Variants in GRID1 observed in about 807,000 individuals in gnomAD.
GRID1 encodes the protein glutamate ionotropic receptor delta type subunit 1, also known as glutamate receptor ionotropic, delta-1.
GRID1 carries 28 observed loss-of-function variants against 98.0 expected under a neutral mutation model. The ratio of observed to expected loss-of-function variants is 0.29; its 90% CI spans 0.21 to 0.39. The LOEUF is 0.39. GRID1 is among the 10% of genes least tolerant of loss of function. GRID1 has a pLI of 1.00. For synonymous variants in GRID1, 553 were observed against 538.5 expected (o/e 1.03, Z -0.37); for missense variants, 1,111 against 1,340.5 (o/e 0.83, Z 2.67).
chr10:86,301,079 C>A (rs1246048708), intron 2 of GRID1, among the ~76,000 whole-genome samples: 1 of 152,172 alleles, frequency 6.6e-6, no homozygotes, highest in East Asian at 1.9e-4. Context: ...GGGTCCCCTG[C>A]CATCCAAGGA....
In GRID1 at chr10:85,619,163, C is replaced by T. The variant is rs545410309; in HGVS notation, c.2360+704G>A. Among the ~76,000 whole-genome samples the T allele has an allele frequency of 6.6e-5, 10 of 152,290 alleles. 1 individual carries two copies. The highest frequency in any genetic ancestry group is 2.1e-4 in the South Asian group (1 of 4,822). On this transcript the variant is annotated intron_variant, in intron 14 of 15. Coordinates refer to ENST00000327946, the MANE Select transcript of GRID1 (RefSeq NM_017551.3). ...ATGGCCCAAGGCTTAGACACCTTGG[C>T]GACAGGAGCCCCTGTTTGCAGGCTG... is the stretch of plus-strand genomic sequence containing the variant.
In GRID1 at chr10:85,672,324, T is replaced by C. The variant is rs574924289; in HGVS notation, c.1998-24927A>G. 5.9e-5 allele frequency among the ~76,000 whole-genome samples: 9 copies of C among 152,318 alleles called. No homozygotes were observed. In the South Asian group the frequency reaches 1.7e-3, roughly 28 times the overall value. On this transcript the variant is annotated intron_variant, in intron 12 of 15. Transcript: ENST00000327946. Reference sequence around the variant, plus strand: ...TCAATCTACTATTTCTGTGCTTTGTTTTTGGATGGAGTCTTCCTCTGTGGC... The same window carrying C: ...TCAATCTACTATTTCTGTGCTTTGTCTTTGGATGGAGTCTTCCTCTGTGGC...
chr10:85,919,132 T>C (rs1332762303), intron 4 of GRID1, among the ~76,000 whole-genome samples: 3 of 152,208 alleles, frequency 2.0e-5, no homozygotes, highest in Admixed American at 6.5e-5. Flanking sequence ...CCTGTGCAGG[T>C]GAGAGGTTCT....
At chr10:86,082,937 G>C (rs1843998236) in intron 4 of GRID1, among the ~76,000 whole-genome samples, 1 of 152,178 alleles carries the variant, frequency 6.6e-6, no homozygotes, top group African/African-American at 2.4e-5. Context: ...CTCAGCTCTG[G>C]GTTTCTGTTT....
chr10:86,068,753 A>T (rs926258383), intron 4 of GRID1, among the ~76,000 whole-genome samples: 20 of 152,344 alleles, frequency 1.3e-4, no homozygotes, highest in African/African-American at 4.8e-4. Flanking sequence ...GGACACAGGC[A>T]TCCTAAGAAG....
intron 2 of GRID1, among the ~76,000 whole-genome samples, chr10:86,285,636 C>A (rs1272816469): frequency 1.3e-5 from 2 of 152,160 alleles, no homozygotes; most frequent in Non-Finnish European, 2.9e-5. Flanking sequence ...GGATGCCAGA[C>A]ACTGCTCTGA....
chr10:85,608,218 C>T (rs1314089852), intron 15 of GRID1, among the ~76,000 whole-genome samples: 1 of 152,178 alleles, frequency 6.6e-6, no homozygotes, highest in East Asian at 1.9e-4. Context: ...CCCGTAGCTC[C>T]TTACCTTGGA....
intron 2 of GRID1, among the ~76,000 whole-genome samples, chr10:86,356,265 C>T (rs968361493): frequency 8.5e-5 from 13 of 152,212 alleles, no homozygotes; most frequent in African/African-American, 2.9e-4. Context: ...AGATTCTGCC[C>T]AACTAGCATC....
intron 2 of GRID1, among the ~76,000 whole-genome samples, chr10:86,360,475 AC>A (rs1161436218): frequency 6.6e-6 from 1 of 152,380 alleles, no homozygotes; most frequent in East Asian, 1.9e-4. Context: ...TTATATTAAT[AC>A]ATGCTCATTG....
chr10:85,854,755 A>C (rs1843093085), intron 7 of GRID1, 140 bp from the exon 8 acceptor site: 1 of 748,528 alleles, frequency 1.3e-6, no homozygotes, highest in South Asian at 1.7e-5. Flanking sequence ...AATGAGGACA[A>C]GATGGGCTAG....
rs111740752 is a variant in GRID1 at position 85,724,401 on chromosome 10, G to A, written c.1809C>T (p.Ala603=). 4.3e-5 allele frequency: 70 copies of A among 1,614,134 alleles called. No homozygotes were observed. In the African/African-American group the frequency reaches 8.3e-4, roughly 19 times the overall value. The part of the protein sequence containing the change: ...SAAQPRPSAS[A]TLHSAIWIVY... ...CAATCCAGATGGCGCTGTGCAGAGT[G>A]GCAGAAGCTGACGGCCTGGGCTGGG... The change falls in exon 11 of 16, where the codon GCC becomes GCT. Residue 603 remains alanine, a synonymous_variant. Transcript: ENST00000327946.
intron 4 of GRID1, among the ~76,000 whole-genome samples, chr10:86,030,698 G>A (rs1843174607): frequency 6.6e-6 from 1 of 152,178 alleles, no homozygotes; most frequent in African/African-American, 2.4e-5. Flanking sequence ...AATGATATAG[G>A]AGTTAAGAAG....
At chr10:86,061,076 G>A (rs1249047675) in intron 4 of GRID1, among the ~76,000 whole-genome samples, 1 of 152,104 alleles carries the variant, frequency 6.6e-6, no homozygotes, top group Non-Finnish European at 1.5e-5. Flanking sequence ...CCTTCCTGGT[G>A]CCTCCACTAT....
chr10:86,279,822 C>T (rs1355107183), intron 2 of GRID1, among the ~76,000 whole-genome samples: 1 of 152,188 alleles, frequency 6.6e-6, no homozygotes, highest in African/African-American at 2.4e-5. Flanking sequence ...TCACAGGTGA[C>T]ATTATCATTT....
chr10:85,724,919 A>T (rs1315310866), intron 10 of GRID1, among the ~76,000 whole-genome samples: 1 of 152,244 alleles, frequency 6.6e-6, no homozygotes, highest in Non-Finnish European at 1.5e-5. Context: ...TACAGAAAAG[A>T]GCCGAGTAAA....
chr10:85,871,232 C>T (rs1416219274), intron 5 of GRID1, among the ~76,000 whole-genome samples: 1 of 152,168 alleles, frequency 6.6e-6, no homozygotes, highest in Non-Finnish European at 1.5e-5. Flanking sequence ...CAAACTCACC[C>T]AACAGAAAGC....
At chr10:85,688,283 G>A (rs1483881315) in intron 12 of GRID1, among the ~76,000 whole-genome samples, 1 of 152,200 alleles carries the variant, frequency 6.6e-6, no homozygotes, top group Admixed American at 6.5e-5. Flanking sequence ...TCTCACAGGA[G>A]ATCACAACAG....
intron 2 of GRID1, among the ~76,000 whole-genome samples, chr10:86,349,503 G>A (rs1245717035): frequency 6.6e-6 from 1 of 152,194 alleles, no homozygotes; most frequent in African/African-American, 2.4e-5. Context: ...CATCTCCAGC[G>A]TGGTTCTCCC....
At chr10:85,706,487 C>T (rs1841519881) in intron 12 of GRID1, among the ~76,000 whole-genome samples, 1 of 152,160 alleles carries the variant, frequency 6.6e-6, no homozygotes, top group African/African-American at 2.4e-5. Context: ...GAAGAACATG[C>T]CATGCTCATG....
Sources: gnomAD v4.1 joint callset for allele counts (sites outside exome capture counted in the v4.1 genomes callset) on GRCh38, gnomAD v4.1.1 for gene constraint, MANE v1.5 for transcripts, NCBI Gene and HGNC (gene_info 2026-07-23, HGNC 2026-07-21) for gene names.